The following TAF1A variants were observed in gnomAD, a reference collection of about 807,000 sequenced individuals.
TAF1A encodes the protein TATA box-binding protein-associated factor RNA polymerase I subunit A.
A neutral mutation model predicts 61.6 loss-of-function variants in TAF1A; 42 were observed. The ratio of observed to expected loss-of-function variants is 0.68; its 90% CI spans 0.53 to 0.88. The LOEUF (loss-of-function observed/expected upper bound fraction) is 0.88, where lower values mean the gene tolerates loss of function less well. Ranked by LOEUF, TAF1A falls within the 40% of genes least tolerant of loss-of-function variation. TAF1A has a pLI of 0.00. For synonymous variants in TAF1A, 179 were observed against 177.7 expected (o/e 1.01, Z -0.06); for missense variants, 424 against 518.7 (o/e 0.82, Z 1.77).
At chr1:222,560,824 G>A (rs1303135401) in intron 10 of TAF1A, among the ~76,000 whole-genome samples, 1 of 152,000 alleles carries the variant, frequency 6.6e-6, no homozygotes, top group Non-Finnish European at 1.5e-5. Context: ...TAATTTCAGT[G>A]GCAGAAAGCA....
chr1:222,559,982 A>G (rs946680797), intron 10 of TAF1A, among the ~76,000 whole-genome samples: 1 of 152,178 alleles, frequency 6.6e-6, no homozygotes, highest in Non-Finnish European at 1.5e-5. Context: ...CCACCCTAAC[A>G]TAGAGAAAAA....
chr1:222,586,521 T>A (rs1259323576), intron 2 of TAF1A, among the ~76,000 whole-genome samples: 1 of 152,194 alleles, frequency 6.6e-6, no homozygotes. Flanking sequence ...TTGATCCTGA[T>A]GACTTTAAGA....
intron 10 of TAF1A, among the ~76,000 whole-genome samples, chr1:222,560,583 C>T (rs948302243): frequency 6.6e-6 from 1 of 152,182 alleles, no homozygotes; most frequent in African/African-American, 2.4e-5. Context: ...TGTTCCTTGT[C>T]ATCAGTGTAT....
chr1:222,579,666 C>T (rs946304128), intron 4 of TAF1A, 93 bp downstream of exon 4: 2 of 1,449,112 alleles, frequency 1.4e-6, no homozygotes, highest in South Asian at 1.3e-5. Flanking sequence ...CCTTGTCCCA[C>T]ATTTTTTAGG....
chr1:222,588,922 C>T (rs1469468691), intron 1 of TAF1A, among the ~76,000 whole-genome samples: 2 of 151,984 alleles, frequency 1.3e-5, no homozygotes, highest in African/African-American at 2.4e-5. Context: ...TTTATTAGGC[C>T]CTTACTATGC....
intron 4 of TAF1A, among the ~76,000 whole-genome samples, chr1:222,577,917 G>A (rs1393784922): frequency 6.6e-6 from 1 of 152,124 alleles, no homozygotes; most frequent in Admixed American, 6.6e-5. Flanking sequence ...GAGTGTCTTG[G>A]TTCATACACC....
chr1:222,582,070 A>C (rs1660810283), intron 3 of TAF1A, among the ~76,000 whole-genome samples: 1 of 152,242 alleles, frequency 6.6e-6, no homozygotes, highest in Non-Finnish European at 1.5e-5. Context: ...CATGAAACAA[A>C]ATTTGTATAC....
At chr1:222,587,215 T>C (rs1305009863) in intron 2 of TAF1A, among the ~76,000 whole-genome samples, 1 of 152,206 alleles carries the variant, frequency 6.6e-6, no homozygotes, top group Admixed American at 6.5e-5. Flanking sequence ...TCAACACTCA[T>C]TATGCATGAG....
At chr1:222,575,923 G>C (rs1186615577) in intron 5 of TAF1A, among the ~76,000 whole-genome samples, 1 of 152,074 alleles carries the variant, frequency 6.6e-6, no homozygotes, top group East Asian at 1.9e-4. Flanking sequence ...TGTATAAGAA[G>C]AAAAGTAAAT....
intron 3 of TAF1A, 138 bp from the exon 4 acceptor site, chr1:222,580,010 T>C (rs1660724193): frequency 8.2e-6 from 8 of 969,938 alleles, no homozygotes; most frequent in Non-Finnish European, 1.0e-5. Context: ...CATTTTACTC[T>C]ACTTTGCCAT....
intron 8 of TAF1A, among the ~76,000 whole-genome samples, chr1:222,563,704 G>A (rs1177897471): frequency 2.0e-5 from 3 of 152,330 alleles, no homozygotes; most frequent in South Asian, 2.1e-4. Context: ...CTCTTCTATG[G>A]TGTGCTGAAA....
At chr1:222,554,253 G>A (rs977268140), downstream of TAF1A, among the ~76,000 whole-genome samples, 2 of 152,204 alleles carry the variant, frequency 1.3e-5, no homozygotes, top group African/African-American at 4.8e-5. Context: ...TTAAACAACT[G>A]GCAGTGGTAT....
chr1:222,586,042 A>C (rs955341543), intron 2 of TAF1A, among the ~76,000 whole-genome samples: 6 of 152,320 alleles, frequency 3.9e-5, no homozygotes, highest in African/African-American at 1.4e-4. Context: ...AAAAGTGAAA[A>C]GTTTGAAGAC....
chr1:222,580,479 A>T (rs1310074497), intron 3 of TAF1A, among the ~76,000 whole-genome samples: 1 of 152,232 alleles, frequency 6.6e-6, no homozygotes, highest in Non-Finnish European at 1.5e-5. Flanking sequence ...CGCTAACCTC[A>T]ATTTAAAGTA....
Position 222,583,428 on chromosome 1 carries a change from A to AG in TAF1A, c.291+699_291+700insC, listed in dbSNP as rs1264314450. ...TATAAAAAACGTCTTGATAAAACGA[A>AG]AAAAAAAAGGATCACTCTAGTTGGA... On this transcript the variant is annotated intron_variant, in intron 3 of 10. Transcript: ENST00000352967. Among the ~76,000 whole-genome samples the AG allele has an allele frequency of 1.1e-4, 16 of 151,546 alleles. 1 individual carries two copies. Among genetic ancestry groups the AG allele is most frequent in the Non-Finnish European group, 2.4e-4 (16 of 67,836 alleles).
chr1:222,561,299 C>T, intron 10 of TAF1A, 65 bp downstream of exon 10: 2 of 1,501,092 alleles, frequency 1.3e-6, no homozygotes, highest in Non-Finnish European at 1.8e-6. Context: ...TAAATGAAGG[C>T]CATACTTCAT....
At chr1:222,584,404 C>A (rs1660929187) in intron 2 of TAF1A, 107 bp from the exon 3 acceptor site, 9 of 1,018,286 alleles carry the variant, frequency 8.8e-6, no homozygotes, top group Non-Finnish European at 1.2e-5. Context: ...GTAGGCATTA[C>A]TTGACCCAGC....
rs752792584 is a variant in TAF1A at position 222,579,841 on chromosome 1, A to C, written c.323T>G (p.Phe108Cys). Residue 108 changes from phenylalanine (F) to cysteine (C), a missense_variant, in exon 4 of 11, where the codon TTT (phenylalanine) becomes TGT (cysteine). Coordinates refer to ENST00000352967, the MANE Select transcript of TAF1A (RefSeq NM_005681.4). ...CTCCATGTTGCTTTTGGGATGATAA[A>C]ATAGAATTTCACTTCCGAGCTTCCA... ...IIWKLGSEIL[F>C]YHPKSNMESF... 1 of 1,607,634 alleles carries C rather than the reference A, an allele frequency of 6.2e-7. No homozygotes were observed. The highest frequency in any genetic ancestry group is 1.1e-5 in the South Asian group (1 of 88,704).
At chr1:222,569,139 C>T (rs946673485) in intron 7 of TAF1A, 1 of 635,700 alleles carries the variant, frequency 1.6e-6, no homozygotes, top group Non-Finnish European at 2.1e-6. Flanking sequence ...CAGAAATGTT[C>T]TATATCATGA....
Sources: allele counts gnomAD v4.1 joint callset (sites outside exome capture counted in the v4.1 genomes callset), GRCh38; gene constraint gnomAD v4.1.1; transcripts MANE v1.5; gene names NCBI Gene and HGNC (gene_info 2026-07-23, HGNC 2026-07-21).